The following CHD9 variants were observed in gnomAD, a reference collection of about 807,000 sequenced individuals.
The protein encoded by CHD9 is chromodomain helicase DNA binding protein 9, also known as ATP-dependent chromatin remodeler CHD9.
In CHD9, 77 loss-of-function variants were observed where a neutral mutation model predicts 316.1. That is an observed-to-expected ratio of 0.24 (90% CI 0.20 to 0.29). The LOEUF is 0.29. Among genes scored for constraint, CHD9 ranks in the 10% least tolerant of loss-of-function variants. The probability of loss-of-function intolerance (pLI) is 1.00; values close to 1 mark genes in which losing one functional copy is unlikely to be tolerated. For missense variants in CHD9, 2,763 were observed against 3,438.1 expected (o/e 0.80, Z 4.91); for synonymous variants, 1,129 against 1,158.3 (o/e 0.97, Z 0.51).
At chr16:53,072,159 T>A (rs952804250) in intron 1 of CHD9, among the ~76,000 whole-genome samples, 1 of 152,074 alleles carries the variant, frequency 6.6e-6, no homozygotes, top group African/African-American at 2.4e-5. Flanking sequence ...GTTGTTGTCT[T>A]ATCCCCAGCC....
At chr16:53,239,294 G>C (rs571475267) in intron 12 of CHD9, among the ~76,000 whole-genome samples, 1 of 152,042 alleles carries the variant, frequency 6.6e-6, no homozygotes, top group South Asian at 2.1e-4. Flanking sequence ...GTTAAGACTA[G>C]AAAAGATAGG....
At chr16:53,208,112 A>T in intron 2 of CHD9, 3 of 1,027,998 alleles carry the variant, frequency 2.9e-6, no homozygotes, top group Non-Finnish European at 3.5e-6. Flanking sequence ...AGCCTTTTTC[A>T]TACCTAAATA....
chr16:53,304,470 C>T lies in CHD9; in HGVS notation c.6464C>T (p.Ser2155Phe). Residue 2155 changes from serine (S) to phenylalanine (F), a missense_variant, in exon 31 of 39, where the codon TCT becomes TTT. By Grantham distance (155) the Ser-to-Phe change is radical. Coordinates refer to ENST00000447540, the MANE Select transcript of CHD9 (RefSeq NM_001308319.2). ...TCATCTTCTTCCTCATCATCCTCTT[C>T]TTGCTCCCACTCTCGATCAGGCTCT... ...SRSSSSSSSS[S>F]CSHSRSGSSS... 6.4e-7 allele frequency: 1 copy of T among 1,564,906 alleles called. No homozygotes were observed. The highest frequency in any genetic ancestry group is 2.4e-5 in the East Asian group (1 of 41,836).
intron 24 of CHD9, among the ~76,000 whole-genome samples, 163 bp downstream of exon 24, chr16:53,274,465 A>AT (rs999536108): frequency 1.9e-4 from 28 of 150,436 alleles, no homozygotes; most frequent in South Asian, 4.2e-4. Flanking sequence ...TTATTTATTC[A>AT]TTTTTTTTTG....
At chr16:53,278,256 C>G (rs1418184801) in intron 24 of CHD9, among the ~76,000 whole-genome samples, 2 of 152,036 alleles carry the variant, frequency 1.3e-5, no homozygotes, top group African/African-American at 4.8e-5. Context: ...TAGAGAAAAA[C>G]AGTCCTAAAA....
At chr16:53,187,543 T>G (rs1364109509) in intron 2 of CHD9, among the ~76,000 whole-genome samples, 1 of 151,820 alleles carries the variant, frequency 6.6e-6, no homozygotes, top group African/African-American at 2.4e-5. Context: ...AAATGAGAGT[T>G]TTGGCCAGAG....
chr16:53,133,875 G>A (rs1258189616), intron 1 of CHD9, among the ~76,000 whole-genome samples: 1 of 152,214 alleles, frequency 6.6e-6, no homozygotes, highest in Non-Finnish European at 1.5e-5. Context: ...ACAGGATAGA[G>A]CTGAAGGAGG....
intron 2 of CHD9, among the ~76,000 whole-genome samples, chr16:53,184,558 T>C (rs954426534): frequency 3.3e-5 from 5 of 152,078 alleles, no homozygotes; most frequent in African/African-American, 1.2e-4. Context: ...GTGCCCAGGC[T>C]GGACTTGAAC....
intron 24 of CHD9, among the ~76,000 whole-genome samples, chr16:53,282,925 T>G (rs892846055): frequency 6.6e-6 from 1 of 152,088 alleles, no homozygotes; most frequent in Non-Finnish European, 1.5e-5. Flanking sequence ...CGTCACTTAC[T>G]CTTCTTGGGT....
chr16:53,314,150 A>G (rs927206011), intron 34 of CHD9, among the ~76,000 whole-genome samples: 2 of 152,098 alleles, frequency 1.3e-5, no homozygotes, highest in Non-Finnish European at 2.9e-5. Flanking sequence ...ATGTGTGAAT[A>G]TCGGGAAAAA....
chr16:53,070,559 T>C (rs1426095180), intron 1 of CHD9, among the ~76,000 whole-genome samples: 2 of 151,124 alleles, frequency 1.3e-5, no homozygotes, highest in South Asian at 2.1e-4. Flanking sequence ...CTCTCTTTCT[T>C]TCTGTCTTTC....
chr16:53,323,640 A>G (rs569094567), intron 38 of CHD9, among the ~76,000 whole-genome samples: 15 of 152,332 alleles, frequency 9.8e-5, no homozygotes, highest in African/African-American at 2.9e-4. Context: ...GTTCTTCCCA[A>G]TTAGAAGGGA....
At chr16:53,286,199 T>G in intron 25 of CHD9, 27 bp from the exon 26 acceptor site, 1 of 1,333,744 alleles carries the variant, frequency 7.5e-7, no homozygotes, top group Non-Finnish European at 1.1e-6. Context: ...TTATCTTTTT[T>G]ACTTTTGTAA....
intron 1 of CHD9, among the ~76,000 whole-genome samples, chr16:53,061,030 G>A (rs995068593): frequency 1.6e-4 from 24 of 149,700 alleles, no homozygotes; most frequent in Admixed American, 1.1e-3. Context: ...GGGTTCAAGC[G>A]ATTCTCCTGC....
intron 2 of CHD9, among the ~76,000 whole-genome samples, chr16:53,165,005 C>A (rs534478810): frequency 2.6e-5 from 4 of 152,106 alleles, no homozygotes; most frequent in Non-Finnish European, 5.9e-5. Context: ...GCAACAGATG[C>A]CCTAAAGGTA....
chr16:53,242,609 G>T (rs928834445), intron 12 of CHD9, among the ~76,000 whole-genome samples: 1 of 151,916 alleles, frequency 6.6e-6, no homozygotes, highest in African/African-American at 2.4e-5. Context: ...TACTTATTAG[G>T]ATACAATTAT....
At chr16:53,286,404 A>G in intron 26 of CHD9, 61 bp downstream of exon 26, 2 of 855,768 alleles carry the variant, frequency 2.3e-6, no homozygotes, top group Non-Finnish European at 3.9e-6. Flanking sequence ...ATATCAGCAT[A>G]TTCTATGTCA....
intron 19 of CHD9, among the ~76,000 whole-genome samples, chr16:53,262,278 T>C (rs570446946): frequency 7.2e-5 from 11 of 152,202 alleles, no homozygotes; most frequent in Non-Finnish European, 1.6e-4. Context: ...ATTTAAATTG[T>C]AAATAATGGT....
intron 8 of CHD9, among the ~76,000 whole-genome samples, chr16:53,231,189 C>T (rs1306861518): frequency 2.0e-5 from 3 of 152,062 alleles, no homozygotes; most frequent in South Asian, 2.1e-4. Flanking sequence ...TTTTAAAGCA[C>T]GTATCTTCTA....
Sources: allele counts gnomAD v4.1 joint callset (sites outside exome capture counted in the v4.1 genomes callset), GRCh38; gene constraint gnomAD v4.1.1; transcripts MANE v1.5; gene names NCBI Gene and HGNC (gene_info 2026-07-23, HGNC 2026-07-21).